PIP5K1B: variants seen among roughly 807,000 people sequenced by gnomAD.
The protein encoded by PIP5K1B is phosphatidylinositol 4-phosphate 5-kinase type-1 beta.
Under a neutral mutation model 67.0 loss-of-function variants are expected in PIP5K1B, and 42 were observed. The observed-to-expected ratio is 0.63, with a 90% CI of 0.49 to 0.81. The LOEUF is 0.81. Among genes scored for constraint, PIP5K1B ranks in the 30% least tolerant of loss-of-function variants. PIP5K1B has a pLI of 0.00. For synonymous variants in PIP5K1B, 214 were observed against 231.4 expected (o/e 0.92, Z 0.68); for missense variants, 459 against 646.3 (o/e 0.71, Z 3.14).
chr9:68,825,464 G>A (rs148921594), intron 4 of PIP5K1B, among the ~76,000 whole-genome samples: 17 of 152,320 alleles, frequency 1.1e-4, no homozygotes, highest in Non-Finnish European at 1.8e-4. Context: ...AAATGCAAAT[G>A]ACAAAAAAAT....
At chr9:68,826,655 A>T (rs1283098878) in intron 4 of PIP5K1B, among the ~76,000 whole-genome samples, 2 of 152,174 alleles carry the variant, frequency 1.3e-5, no homozygotes, top group African/African-American at 4.8e-5. Context: ...CCCTGACCTT[A>T]CAACTTATTT....
intron 14 of PIP5K1B, among the ~76,000 whole-genome samples, chr9:68,990,272 GCTCTATGCCAGA>G (rs769050169): frequency 1.6e-4 from 25 of 152,222 alleles, no homozygotes; most frequent in Non-Finnish European, 2.8e-4. Context: ...AAATCCATGG[GCTCTATGCCAGA>G]CTCTGGCTCA....
chr9:68,723,249 C>A (rs1309319524), intron 1 of PIP5K1B, among the ~76,000 whole-genome samples: 1 of 152,020 alleles, frequency 6.6e-6, no homozygotes, highest in Non-Finnish European at 1.5e-5. Context: ...CTGATGGACA[C>A]TTACATTGAT....
intron 2 of PIP5K1B, among the ~76,000 whole-genome samples, chr9:68,808,053 C>T (rs1262699780): frequency 6.6e-6 from 1 of 152,116 alleles, no homozygotes; most frequent in African/African-American, 2.4e-5. Context: ...CAAAAATTAG[C>T]CTGGCGTGGT....
At chr9:68,987,294 C>A (rs140843059) in intron 14 of PIP5K1B, among the ~76,000 whole-genome samples, 3 of 148,982 alleles carry the variant, frequency 2.0e-5, no homozygotes, top group Non-Finnish European at 4.5e-5. Flanking sequence ...CCAGGCGTGG[C>A]GGCTTATGCC....
intron 14 of PIP5K1B, among the ~76,000 whole-genome samples, chr9:68,980,083 C>G (rs1012498506): frequency 1.3e-5 from 2 of 152,214 alleles, no homozygotes; most frequent in Non-Finnish European, 2.9e-5. Flanking sequence ...AGGAGCCGCT[C>G]TGTCCTGGCA....
At chr9:68,724,095 C>A (rs1828034794) in intron 1 of PIP5K1B, among the ~76,000 whole-genome samples, 1 of 151,954 alleles carries the variant, frequency 6.6e-6, no homozygotes, top group Admixed American at 6.6e-5. Flanking sequence ...ATATGGATAT[C>A]CAGTTTTCCC....
chr9:69,007,944 C>A (rs998380275), intron 15 of PIP5K1B, among the ~76,000 whole-genome samples: 23 of 152,006 alleles, frequency 1.5e-4, no homozygotes, highest in African/African-American at 5.6e-4. Context: ...CCACATATAT[C>A]ATAGTGCTGC....
intron 14 of PIP5K1B, among the ~76,000 whole-genome samples, chr9:68,959,523 A>G (rs1490473474): frequency 6.6e-6 from 1 of 152,130 alleles, no homozygotes; most frequent in African/African-American, 2.4e-5. Context: ...TCTCTCAACA[A>G]AATACTTGAG....
chr9:68,911,699 T>C (rs1206044381), intron 8 of PIP5K1B, among the ~76,000 whole-genome samples: 1 of 152,038 alleles, frequency 6.6e-6, no homozygotes, highest in African/African-American at 2.4e-5. Context: ...AAGACCAGCC[T>C]GGGCAGCAAG....
chr9:68,912,126 G>A (rs1825884569), intron 8 of PIP5K1B, among the ~76,000 whole-genome samples: 1 of 152,088 alleles, frequency 6.6e-6, no homozygotes, highest in Non-Finnish European at 1.5e-5. Context: ...ATACCCCCCA[G>A]TCGAAAGTAG....
At chr9:68,882,776 T>C (rs939334419) in intron 6 of PIP5K1B, among the ~76,000 whole-genome samples, 1 of 152,228 alleles carries the variant, frequency 6.6e-6, no homozygotes, top group African/African-American at 2.4e-5. Context: ...AGGGTCTGCC[T>C]TTACTTTTTA....
At chr9:68,817,711 T>A (rs993959298) in intron 2 of PIP5K1B, among the ~76,000 whole-genome samples, 1 of 144,640 alleles carries the variant, frequency 6.9e-6, no homozygotes, top group Non-Finnish European at 1.5e-5. Flanking sequence ...AAGACCTCAT[T>A]CTTTTTTTTT....
At chr9:68,772,481 G>GCGCTAC (rs1830713390) in intron 2 of PIP5K1B, among the ~76,000 whole-genome samples, 1 of 152,198 alleles carries the variant, frequency 6.6e-6, no homozygotes, top group African/African-American at 2.4e-5. Context: ...GAAAAGTTCA[G>GCGCTAC]CGCTACCGGG....
chr9:68,878,269 A>G (rs1824005078), intron 6 of PIP5K1B, among the ~76,000 whole-genome samples: 1 of 152,112 alleles, frequency 6.6e-6, no homozygotes, highest in Admixed American at 6.6e-5. Flanking sequence ...TGCGTTTCAC[A>G]CTGTTGATCC....
chr9:68,937,816 G>A (rs1461859062), intron 13 of PIP5K1B, among the ~76,000 whole-genome samples: 1 of 152,032 alleles, frequency 6.6e-6, no homozygotes, highest in African/African-American at 2.4e-5. Context: ...TCATTCTCAT[G>A]GTTTCAAAGA....
intron 4 of PIP5K1B, among the ~76,000 whole-genome samples, chr9:68,832,556 G>A (rs1208564238): frequency 6.6e-6 from 1 of 152,182 alleles, no homozygotes; most frequent in Non-Finnish European, 1.5e-5. Flanking sequence ...TCAGTCCTCT[G>A]CATGAAAGAG....
intron 8 of PIP5K1B, among the ~76,000 whole-genome samples, chr9:68,909,165 C>T (rs1026246591): frequency 1.6e-4 from 24 of 152,094 alleles, no homozygotes; most frequent in African/African-American, 5.6e-4. Flanking sequence ...CAAAATAGCA[C>T]GCTAAACTTT....
intron 8 of PIP5K1B, among the ~76,000 whole-genome samples, chr9:68,917,194 T>A (rs1035923348): frequency 6.6e-6 from 1 of 152,186 alleles, no homozygotes; most frequent in Non-Finnish European, 1.5e-5. Flanking sequence ...TAGACAATAG[T>A]AGTACCTAGC....
Sources: gnomAD v4.1 joint callset for allele counts (sites outside exome capture counted in the v4.1 genomes callset) on GRCh38, gnomAD v4.1.1 for gene constraint, MANE v1.5 for transcripts, NCBI Gene and HGNC (gene_info 2026-07-23, HGNC 2026-07-21) for gene names.